MEGF11: variants seen among roughly 807,000 people sequenced by gnomAD.
MEGF11 encodes multiple epidermal growth factor-like domains protein 11.
In MEGF11, 126 loss-of-function variants were observed where a neutral mutation model predicts 146.6. The ratio of observed to expected loss-of-function variants is 0.86; its 90% CI spans 0.74 to 1.00. MEGF11 has a LOEUF of 1.00. MEGF11 is among the 50% of genes least tolerant of loss of function. MEGF11 has a pLI of 0.00. For synonymous variants in MEGF11, 532 were observed against 583.4 expected, an observed-to-expected ratio of 0.91 and a Z score of 1.27; for missense variants, 1,509 against 1,521.2, an observed-to-expected ratio of 0.99 and a Z score of 0.13.
At chr15:65,984,551 G>C (rs1322995247) in intron 5 of MEGF11, among the ~76,000 whole-genome samples, 2 of 39,302 alleles carry the variant, frequency 5.1e-5, no homozygotes, top group East Asian at 7.4e-4. Flanking sequence ...AAAAAAAAAA[G>C]GCTCACAGGA....
chr15:65,929,180 A>C (rs189121715), intron 12 of MEGF11, among the ~76,000 whole-genome samples: 15 of 152,352 alleles, frequency 9.8e-5, no homozygotes, highest in Admixed American at 5.9e-4. Context: ...TAAGGACTGC[A>C]TTGCTCATCC....
intron 1 of MEGF11, among the ~76,000 whole-genome samples, chr15:66,153,625 T>A (rs777033087): frequency 6.6e-6 from 1 of 152,126 alleles, no homozygotes; most frequent in Non-Finnish European, 1.5e-5. Flanking sequence ...TGACTCATGA[T>A]GTGATCCAAA....
At chr15:66,018,340 CAGG>C (rs1187004683) in intron 5 of MEGF11, among the ~76,000 whole-genome samples, 2 of 152,248 alleles carry the variant, frequency 1.3e-5, no homozygotes, top group East Asian at 1.9e-4. Context: ...CTGTGCTCTT[CAGG>C]AGAAGTGACA....
At chr15:66,061,389 C>G (rs150554893) in intron 5 of MEGF11, among the ~76,000 whole-genome samples, 3 of 152,306 alleles carry the variant, frequency 2.0e-5, no homozygotes, top group African/African-American at 7.2e-5. Flanking sequence ...AAGGCTTGAC[C>G]CCCACACGTC....
rs141092014 is a variant in MEGF11, at chr15:65,928,518, A to C, written c.1582T>G (p.Phe528Val). The part of the protein sequence containing the change: ...TCELPCPDGT[F>V]GLNCSEHCDC... ...CAGTGTTCACTGCAGTTCAGCCCAA[A>C]TGTGCCATCCTGTGGAGAAGACAGG... The change falls in exon 13 of 26, where the codon TTT becomes GTT. Residue 528 changes from phenylalanine to valine, a missense_variant. Coordinates refer to ENST00000395614, the MANE Select transcript of MEGF11 (RefSeq NM_001385028.1). 86 of 1,600,254 alleles carry C rather than the reference A, an allele frequency of 5.4e-5. No homozygotes were observed. The highest frequency in any genetic ancestry group is 7.2e-5 in the Non-Finnish European group (84 of 1,171,506).
intron 9 of MEGF11, among the ~76,000 whole-genome samples, chr15:65,963,320 C>T (rs925080023): frequency 6.6e-6 from 1 of 152,218 alleles, no homozygotes; most frequent in African/African-American, 2.4e-5. Flanking sequence ...CAGATGCCAC[C>T]TCTTCTAGGA....
intron 1 of MEGF11, 77 bp from the exon 2 acceptor site, chr15:66,128,488 G>A (rs1337731479): frequency 2.6e-6 from 2 of 779,514 alleles, no homozygotes; most frequent in Non-Finnish European, 3.7e-6. Context: ...CCATCGTCGT[G>A]GGTAATGAGC....
At chr15:66,003,039 G>A (rs1264651779) in intron 5 of MEGF11, among the ~76,000 whole-genome samples, 1 of 150,776 alleles carries the variant, frequency 6.6e-6, no homozygotes, top group Non-Finnish European at 1.5e-5. Flanking sequence ...CACCCAGGCT[G>A]GAGTCATGCA....
At chr15:65,985,525 G>T (rs1260766371) in intron 5 of MEGF11, among the ~76,000 whole-genome samples, 3 of 152,142 alleles carry the variant, frequency 2.0e-5, no homozygotes, top group Non-Finnish European at 4.4e-5. Flanking sequence ...AAGGCAGTTT[G>T]TTCTCGGTGC....
At chr15:66,125,875 G>C (rs2088310739) in intron 2 of MEGF11, among the ~76,000 whole-genome samples, 1 of 152,174 alleles carries the variant, frequency 6.6e-6, no homozygotes, top group East Asian at 1.9e-4. Context: ...GATGCCCAGA[G>C]AGAAGCCCAG....
chr15:66,210,982 A>G (rs1366584466), intron 1 of MEGF11, among the ~76,000 whole-genome samples: 1 of 152,118 alleles, frequency 6.6e-6, no homozygotes, highest in Non-Finnish European at 1.5e-5. Context: ...GCCCTGCCAC[A>G]CATTCCTACT....
intron 7 of MEGF11, among the ~76,000 whole-genome samples, chr15:65,976,921 G>A (rs752740607): frequency 1.3e-5 from 2 of 152,088 alleles, no homozygotes; most frequent in African/African-American, 2.4e-5. Flanking sequence ...TGGGAGGCCC[G>A]TAATCCCAGT....
At chr15:66,040,964 A>G (rs1276066827) in intron 5 of MEGF11, among the ~76,000 whole-genome samples, 5 of 151,472 alleles carry the variant, frequency 3.3e-5, no homozygotes, top group African/African-American at 7.3e-5. Flanking sequence ...TTAGGCTGAC[A>G]ATAGCCCTGC....
At chr15:65,994,099 G>A (rs1180710088) in intron 5 of MEGF11, among the ~76,000 whole-genome samples, 3 of 152,224 alleles carry the variant, frequency 2.0e-5, no homozygotes, top group East Asian at 1.9e-4. Context: ...CAGGGACAAA[G>A]CACTAAGCAG....
intron 10 of MEGF11, among the ~76,000 whole-genome samples, chr15:65,938,295 A>G (rs2079857718): frequency 6.6e-6 from 1 of 152,264 alleles, no homozygotes; most frequent in African/African-American, 2.4e-5. Context: ...GTGAACATTC[A>G]TTTGGAACTC....
At chr15:66,050,583 C>T (rs1002052474) in intron 5 of MEGF11, among the ~76,000 whole-genome samples, 4 of 152,186 alleles carry the variant, frequency 2.6e-5, no homozygotes, top group Non-Finnish European at 5.9e-5. Flanking sequence ...CATGGGGCTT[C>T]GGCTCTTACC....
intron 11 of MEGF11, 93 bp downstream of exon 11, chr15:65,930,730 G>T: frequency 7.0e-7 from 1 of 1,429,036 alleles, no homozygotes; most frequent in Non-Finnish European, 9.3e-7. Flanking sequence ...GGCGGGGGTT[G>T]GGGCAGCCCC....
intron 1 of MEGF11, among the ~76,000 whole-genome samples, chr15:66,207,013 G>A (rs905927860): frequency 5.9e-5 from 9 of 152,090 alleles, no homozygotes; most frequent in Non-Finnish European, 1.0e-4. Context: ...TTATCTAGTC[G>A]GAATGGAAAA....
At chr15:66,111,143 G>A (rs1272292666) in intron 4 of MEGF11, among the ~76,000 whole-genome samples, 1 of 152,288 alleles carries the variant, frequency 6.6e-6, no homozygotes, top group South Asian at 2.1e-4. Context: ...TCCTGTAAAA[G>A]GGCAGTAACA....
Sources: allele counts gnomAD v4.1 joint callset (sites outside exome capture counted in the v4.1 genomes callset), GRCh38; gene constraint gnomAD v4.1.1; transcripts MANE v1.5; gene names NCBI Gene and HGNC (gene_info 2026-07-23, HGNC 2026-07-21).